GRM7: variants seen among roughly 807,000 people sequenced by gnomAD.
GRM7 encodes the protein glutamate metabotropic receptor 7, also known as metabotropic glutamate receptor 7.
Under a neutral mutation model 84.5 loss-of-function variants are expected in GRM7, and 35 were observed. That is an observed-to-expected ratio of 0.41 (90% CI 0.32 to 0.55). The LOEUF (loss-of-function observed/expected upper bound fraction) is 0.55. Among genes scored for constraint, GRM7 ranks in the 20% least tolerant of loss-of-function variants. GRM7 has a pLI of 0.19. For missense variants in GRM7, 1,003 were observed against 1,194.6 expected (o/e 0.84, Z 2.36); for synonymous variants, 487 against 455.1 (o/e 1.07, Z -0.89).
intron 7 of GRM7, among the ~76,000 whole-genome samples, chr3:7,468,975 A>G (rs898761323): frequency 3.9e-5 from 6 of 152,212 alleles, no homozygotes; most frequent in Non-Finnish European, 8.8e-5. Context: ...ACTAATACAC[A>G]TGATCCATAA....
intron 2 of GRM7, among the ~76,000 whole-genome samples, chr3:7,246,531 C>A (rs1697767183): frequency 6.6e-6 from 1 of 152,102 alleles, no homozygotes; most frequent in Non-Finnish European, 1.5e-5. Context: ...ATGAAAATTC[C>A]TGGATGGCTA....
At chr3:7,513,302 GA>G (rs1461658380) in intron 7 of GRM7, among the ~76,000 whole-genome samples, 2 of 152,210 alleles carry the variant, frequency 1.3e-5, no homozygotes, top group Non-Finnish European at 2.9e-5. Flanking sequence ...TGGCAAAGAA[GA>G]GGGGAACCTT....
chr3:6,933,928 T>C (rs1391691695), intron 1 of GRM7, among the ~76,000 whole-genome samples: 1 of 152,128 alleles, frequency 6.6e-6, no homozygotes, highest in Non-Finnish European at 1.5e-5. Flanking sequence ...ACTAAGTGAT[T>C]CTCTAGAGAA....
chr3:7,203,240 A>G lies in GRM7; in HGVS notation c.736+56572A>G, dbSNP rs970618274. Reference sequence around the variant, plus strand: ...CTACACACCCTTCCTAGCCTTTGGTATCTATCATTCTATTCTCTACGTCCA... The same window carrying G: ...CTACACACCCTTCCTAGCCTTTGGTGTCTATCATTCTATTCTCTACGTCCA... On this transcript the variant is annotated intron_variant, in intron 2 of 9. Transcript: ENST00000357716. Among the ~76,000 whole-genome samples the G allele has an allele frequency of 7.2e-5, 11 of 152,250 alleles. No individual in the cohort carries two copies. In the South Asian group the frequency reaches 1.0e-3, roughly 14 times the overall value.
intron 2 of GRM7, among the ~76,000 whole-genome samples, chr3:7,224,223 A>G (rs1444822990): frequency 2.0e-5 from 3 of 152,208 alleles, no homozygotes; most frequent in Admixed American, 6.5e-5. Flanking sequence ...ACGTACAATC[A>G]TGGCGGAAGG....
intron 5 of GRM7, among the ~76,000 whole-genome samples, chr3:7,448,865 G>A (rs1559329960): frequency 6.6e-6 from 1 of 151,932 alleles, no homozygotes; most frequent in Non-Finnish European, 1.5e-5. Context: ...CTTTATTAGT[G>A]TAGTTTAGAA....
At chr3:7,247,899 C>T (rs1559526061) in intron 2 of GRM7, among the ~76,000 whole-genome samples, 1 of 151,918 alleles carries the variant, frequency 6.6e-6, no homozygotes, top group Admixed American at 6.6e-5. Flanking sequence ...AATGAGATGC[C>T]ACATTATACT....
In GRM7 at chr3:7,335,199, A is replaced by G. The variant is rs1438945731; in HGVS notation, c.1033+28547A>G. Among the ~76,000 whole-genome samples the G allele has an allele frequency of 9.2e-5, 14 of 152,302 alleles. No homozygotes were observed. In the East Asian group the frequency reaches 2.7e-3, roughly 29 times the overall value. ...TCTCAATAAGTTTAAGATAATCTAAATTTTATCAAGTACTCTCTCAGACCA... is the reference window on the plus strand; with the variant it reads ...TCTCAATAAGTTTAAGATAATCTAAGTTTTATCAAGTACTCTCTCAGACCA... On this transcript the variant is annotated intron_variant, in intron 4 of 9. Coordinates refer to ENST00000357716, the MANE Select transcript of GRM7 (RefSeq NM_000844.4).
chr3:7,547,543 G>A (rs1252468432), intron 7 of GRM7, among the ~76,000 whole-genome samples: 1 of 152,124 alleles, frequency 6.6e-6, no homozygotes, highest in Non-Finnish European at 1.5e-5. Flanking sequence ...GCTAAACTTT[G>A]GGGCACGTAA....
chr3:7,636,469 A>G, intron 8 of GRM7: 1 of 317,242 alleles, frequency 3.2e-6, no homozygotes, highest in Non-Finnish European at 6.3e-6. Context: ...ATTCCATGAG[A>G]ACATGGTAGA....
At chr3:7,444,235 G>C (rs915129622) in intron 5 of GRM7, among the ~76,000 whole-genome samples, 1 of 152,158 alleles carries the variant, frequency 6.6e-6, no homozygotes, top group African/African-American at 2.4e-5. Context: ...CTTATTGAAG[G>C]AGGTTTGGTT....
At chr3:7,339,289 G>T (rs894825832) in intron 4 of GRM7, among the ~76,000 whole-genome samples, 5 of 152,110 alleles carry the variant, frequency 3.3e-5, no homozygotes, top group Non-Finnish European at 5.9e-5. Context: ...AACCAAGACA[G>T]TAGGTGCCAG....
At chr3:7,066,018 C>T (rs1032668297) in intron 1 of GRM7, among the ~76,000 whole-genome samples, 3 of 151,754 alleles carry the variant, frequency 2.0e-5, no homozygotes, top group African/African-American at 4.8e-5. Context: ...CTCTGGGATA[C>T]AGCAAAGGCG....
chr3:7,119,718 G>C (rs951049528), intron 1 of GRM7, among the ~76,000 whole-genome samples: 1 of 152,062 alleles, frequency 6.6e-6, no homozygotes, highest in South Asian at 2.1e-4. Context: ...CTCTTCCTCT[G>C]TTCCAGTTAG....
At chr3:7,125,856 A>G (rs1055083564) in intron 1 of GRM7, among the ~76,000 whole-genome samples, 1 of 152,182 alleles carries the variant, frequency 6.6e-6, no homozygotes, top group African/African-American at 2.4e-5. Flanking sequence ...TTCTCAGGGC[A>G]GTGAACCAGC....
intron 5 of GRM7, among the ~76,000 whole-genome samples, chr3:7,431,013 G>C (rs534921832): frequency 6.6e-6 from 1 of 152,052 alleles, no homozygotes; most frequent in Non-Finnish European, 1.5e-5. Flanking sequence ...ACTTGAGGGA[G>C]TTGTGGGGAG....
chr3:7,052,914 A>G (rs1340876344), intron 1 of GRM7, among the ~76,000 whole-genome samples: 1 of 151,356 alleles, frequency 6.6e-6, no homozygotes, highest in East Asian at 1.9e-4. Context: ...ACTGCCTAGT[A>G]GTGTATTGCT....
At chr3:7,564,217 A>G (rs948847324) in intron 7 of GRM7, among the ~76,000 whole-genome samples, 10 of 152,214 alleles carry the variant, frequency 6.6e-5, no homozygotes, top group Non-Finnish European at 1.0e-4. Context: ...ATTGTCACTA[A>G]TAATTGTAAT....
Position 6,861,256 on chromosome 3 carries a change from A to C in GRM7, c.-133A>C, listed in dbSNP as rs1194364587. 5 of 654,858 alleles carry C rather than the reference A, an allele frequency of 7.6e-6. No homozygotes were observed. The highest frequency in any genetic ancestry group is 9.0e-6 in the Non-Finnish European group (4 of 442,072). 40.6% of individuals were successfully genotyped at this position (654,858 alleles called of 1,614,324 possible). On this transcript the variant is annotated 5_prime_UTR_variant, in exon 1 of 10. Transcript: ENST00000357716. This position sits in a 1 kb window ranked among gnomAD's most constrained non-coding sequence, Gnocchi z 6.4. ...ACCCTCTCTGGTCGCCCCTCCCCGG[A>C]TTCCCCCACCCTCCGTGCCTGCAGG...
Sources: gnomAD v4.1 joint callset for allele counts (sites outside exome capture counted in the v4.1 genomes callset) on GRCh38, gnomAD v4.1.1 for gene constraint, Gnocchi (gnomAD v3.1) non-coding constraint, MANE v1.5 for transcripts, NCBI Gene and HGNC (gene_info 2026-07-23, HGNC 2026-07-21) for gene names.